The following SP100 variants were observed in gnomAD, a reference collection of about 807,000 sequenced individuals.
The protein encoded by SP100 is SP100 nuclear body protein.
Under a neutral mutation model 130.0 loss-of-function variants are expected in SP100, and 84 were observed. The observed-to-expected ratio is 0.65, with a 90% CI of 0.54 to 0.77. SP100 has a LOEUF of 0.77. Among genes scored for constraint, SP100 ranks in the 30% least tolerant of loss-of-function variants. The probability of loss-of-function intolerance (pLI) is 0.00; values close to 1 mark genes in which losing one functional copy is unlikely to be tolerated. For missense variants in SP100, 978 were observed against 1,052.2 expected (o/e 0.93, Z 0.97); for synonymous variants, 331 against 351.7 (o/e 0.94, Z 0.66).
intron 25 of SP100, among the ~76,000 whole-genome samples, chr2:230,540,047 G>A (rs1432407934): frequency 1.3e-5 from 2 of 152,148 alleles, no homozygotes; most frequent in African/African-American, 4.8e-5. Context: ...CTGCTCCCAG[G>A]GTGTCATCTC....
intron 26 of SP100, 117 bp from the exon 27 acceptor site, chr2:230,541,184 G>A: frequency 8.2e-7 from 1 of 1,225,086 alleles, no homozygotes; most frequent in East Asian, 2.4e-5. Context: ...AACTCCCCAT[G>A]CCATGTTTGT....
In SP100 at chr2:230,429,613, C is replaced by T. The variant is rs542206612; in HGVS notation, c.107+11948C>T. ...TGTATGTTGTTTTACTTGATGGTGT[C>T]CCATAAATCCCATAGGCTTTTTTTA... On this transcript the variant is annotated intron_variant, in intron 2 of 28. Coordinates refer to ENST00000340126, the MANE Select transcript of SP100 (RefSeq NM_001080391.2). Among the ~76,000 whole-genome samples, 12 of 152,070 alleles carry T rather than the reference C, an allele frequency of 7.9e-5. No individual in the cohort carries two copies. The East Asian group carries it at 2.3e-3, about 29-fold the overall frequency.
At chr2:230,450,116 A>G in intron 7 of SP100, 56 bp from the exon 8 acceptor site, 3 of 1,302,544 alleles carry the variant, frequency 2.3e-6, no homozygotes, top group Non-Finnish European at 3.3e-6. Context: ...AACCAAATGG[A>G]AACAGGACAG....
At chr2:230,473,249 C>G in intron 15 of SP100, 75 bp from the exon 16 acceptor site, 1 of 970,010 alleles carries the variant, frequency 1.0e-6, no homozygotes. Context: ...AGTGGGCAGT[C>G]ACTAATGTTG....
At chr2:230,460,592 C>CTTTTTTTTTTTTTTTTTT (rs1193506734) in intron 8 of SP100, among the ~76,000 whole-genome samples, 1 of 17,188 alleles carries the variant, frequency 5.8e-5, no homozygotes, top group Non-Finnish European at 9.3e-5. Context: ...TAATCTGTTT[C>CTTTTTTTTTTTTTTTTTT]TTTTTTTTTT....
chr2:230,460,003 A>G (rs775656300), intron 8 of SP100, among the ~76,000 whole-genome samples: 1 of 152,084 alleles, frequency 6.6e-6, no homozygotes, highest in Non-Finnish European at 1.5e-5. Flanking sequence ...TTCCCACCAC[A>G]CTAAGCTTCC....
rs139601777 is a variant in SP100, at chr2:230,503,413, G to A, written c.1765+303G>A. Reference sequence around the variant, plus strand: ...GTACATGTGACAATTTGATACTTTCGTATAATCAAATCAGAGTTATTGGGA... The same window carrying A: ...GTACATGTGACAATTTGATACTTTCATATAATCAAATCAGAGTTATTGGGA... On this transcript the variant is annotated intron_variant, in intron 20 of 28. Transcript: ENST00000340126. Among the ~76,000 whole-genome samples the A allele has an allele frequency of 1.8e-3, 276 of 152,156 alleles. 2 individuals are homozygous for A. The highest frequency in any genetic ancestry group is 6.0e-3 in the African/African-American group (247 of 41,508).
chr2:230,528,871 A>G (rs564156216), intron 24 of SP100, among the ~76,000 whole-genome samples: 1 of 152,348 alleles, frequency 6.6e-6, no homozygotes, highest in South Asian at 2.1e-4. Context: ...TCCAAAGACT[A>G]AACCAGGAAA....
intron 12 of SP100, among the ~76,000 whole-genome samples, chr2:230,466,661 G>T (rs369828853): frequency 4.6e-5 from 7 of 152,112 alleles, no homozygotes; most frequent in African/African-American, 1.4e-4. Context: ...TGAGGGAAAG[G>T]TTGGGCTCTG....
intron 28 of SP100, among the ~76,000 whole-genome samples, 165 bp downstream of exon 28, chr2:230,542,200 T>C (rs1453705115): frequency 1.3e-5 from 2 of 152,176 alleles, no homozygotes; most frequent in African/African-American, 4.8e-5. Context: ...GTAGTGCATG[T>C]GGAGAAAATA....
At chr2:230,523,446 C>A (rs1304872797) in intron 24 of SP100, among the ~76,000 whole-genome samples, 1 of 152,154 alleles carries the variant, frequency 6.6e-6, no homozygotes, top group Non-Finnish European at 1.5e-5. Context: ...GCAGGTGGAT[C>A]ACTTGAGTTT....
intron 17 of SP100, among the ~76,000 whole-genome samples, chr2:230,488,626 G>T (rs1037457025): frequency 1.5e-4 from 23 of 152,132 alleles, no homozygotes; most frequent in African/African-American, 4.8e-4. Context: ...TGTTAGCCAG[G>T]ACAGTCTCAA....
chr2:230,452,935 C>A (rs1239812058), intron 8 of SP100, among the ~76,000 whole-genome samples: 1 of 143,764 alleles, frequency 7.0e-6, no homozygotes, highest in African/African-American at 2.6e-5. Context: ...CCTTTTATTT[C>A]TTTTGCCTGC....
At chr2:230,502,374 G>T (rs1472154963) in intron 19 of SP100, among the ~76,000 whole-genome samples, 1 of 152,170 alleles carries the variant, frequency 6.6e-6, no homozygotes, top group Non-Finnish European at 1.5e-5. Flanking sequence ...AGTCTACCAT[G>T]AGGTCTGTCT....
intron 24 of SP100, among the ~76,000 whole-genome samples, chr2:230,529,121 CAA>C (rs1323660370): frequency 6.6e-6 from 1 of 151,946 alleles, no homozygotes; most frequent in Non-Finnish European, 1.5e-5. Flanking sequence ...AGAGACACAA[CAA>C]AAAAAGAGAA....
At chr2:230,458,502 A>G in intron 8 of SP100, among the ~76,000 whole-genome samples, 1 of 152,228 alleles carries the variant, frequency 6.6e-6, no homozygotes, top group South Asian at 2.1e-4. Context: ...TGAAGGGTCA[A>G]CTGTGTATGA....
rs2066898474 is a variant in SP100 at position 230,499,532 on chromosome 2, A to G, written c.1720+997A>G. ...TATAAATGTATGCAACTGCTTCTCC[A>G]TAGTTGGTGGTGGCAAACCTGCTTG... On this transcript the variant is annotated intron_variant, in intron 19 of 28. Transcript: ENST00000340126. Among the ~76,000 whole-genome samples, 6 of 53,578 alleles carry G rather than the reference A, an allele frequency of 1.1e-4. 1 individual carries two copies. Among genetic ancestry groups the G allele is most frequent in the Admixed American group, 1.0e-3 (6 of 5,940 alleles). The allele number at this position is 53,578 out of a possible 152,430, so 35.1% of individuals were successfully genotyped here.
intron 17 of SP100, among the ~76,000 whole-genome samples, chr2:230,490,069 G>A (rs2066316461): frequency 6.6e-6 from 1 of 152,140 alleles, no homozygotes; most frequent in African/African-American, 2.4e-5. Flanking sequence ...GAATATCCTT[G>A]TTAATTTTCT....
At chr2:230,508,451 G>T (rs1690299196) in intron 23 of SP100, 1 of 156,382 alleles carries the variant, frequency 6.4e-6, no homozygotes, top group African/African-American at 2.4e-5. Context: ...CAGTAGCTGG[G>T]ACTACAGGCG....
Sources: gnomAD v4.1 joint callset for allele counts (sites outside exome capture counted in the v4.1 genomes callset) on GRCh38, gnomAD v4.1.1 for gene constraint, MANE v1.5 for transcripts, NCBI Gene and HGNC (gene_info 2026-07-23, HGNC 2026-07-21) for gene names.